The following AMPH variants were observed in gnomAD, a reference collection of about 807,000 sequenced individuals.
The protein encoded by AMPH is amphiphysin, also known as amphiphysin (Stiff-Mann syndrome with breast cancer 128kD autoantigen).
A neutral mutation model predicts 99.1 loss-of-function variants in AMPH; 49 were observed. The ratio of observed to expected loss-of-function variants is 0.49; its 90% CI spans 0.39 to 0.63. The LOEUF (loss-of-function observed/expected upper bound fraction) is 0.63, where lower values mean the gene tolerates loss of function less well. AMPH is among the 20% of genes least tolerant of loss of function. AMPH has a pLI of 0.00. For synonymous variants in AMPH, 314 were observed against 317.3 expected (o/e 0.99, Z 0.11); for missense variants, 759 against 863.4 (o/e 0.88, Z 1.52).
chr7:38,620,138 T>C (rs1291326679), intron 1 of AMPH, among the ~76,000 whole-genome samples: 8 of 152,124 alleles, frequency 5.3e-5, no homozygotes, highest in Admixed American at 3.9e-4. Context: ...CCTTCCAAGC[T>C]GCAAATCACC....
At chr7:38,408,738 G>A (rs1307721501) in intron 17 of AMPH, among the ~76,000 whole-genome samples, 1 of 123,958 alleles carries the variant, frequency 8.1e-6, no homozygotes, top group African/African-American at 3.2e-5. Flanking sequence ...GTGACAGAGC[G>A]AGACTCCATC....
chr7:38,540,572 T>C (rs1790768246), intron 1 of AMPH, among the ~76,000 whole-genome samples: 1 of 151,314 alleles, frequency 6.6e-6, no homozygotes, highest in African/African-American at 2.4e-5. Flanking sequence ...TTCAAAAAAG[T>C]GGTTGGCATT....
chr7:38,385,323 A>G (rs919281351), intron 20 of AMPH, among the ~76,000 whole-genome samples: 6 of 152,156 alleles, frequency 3.9e-5, no homozygotes, highest in African/African-American at 1.4e-4. Context: ...CAAGAGCATG[A>G]CCTGTTCTGG....
rs775135384 is a variant in AMPH at position 38,389,859 on chromosome 7, G to A, written c.1925C>T (p.Thr642Ile). The part of the protein sequence containing the change: ...DFEAANSDEL[T>I]LQRGDVVLVV... ...CAGCACCACATCACCCCTTTGTAAG[G>A]TAAGTTCATCAGAATTTGCTGCCTC... Residue 642 changes from threonine to isoleucine, a missense_variant, in exon 20 of 21, where the codon ACC becomes ATC. Physicochemically the swap from Thr to Ile is moderately conservative, Grantham distance 89 (BLOSUM62 -1). This residue lies in a region of AMPH where 554 missense variants were observed against 575.6 expected (regional missense o/e 0.96). Transcript: ENST00000356264. 3.7e-6 allele frequency: 6 copies of A among 1,613,920 alleles called. No individual in the cohort carries two copies. Among genetic ancestry groups the A allele is most frequent in the South Asian group, 1.1e-5 (1 of 91,070 alleles).
At chr7:38,491,656 T>C (rs1788722219) in intron 4 of AMPH, among the ~76,000 whole-genome samples, 1 of 152,264 alleles carries the variant, frequency 6.6e-6, no homozygotes, top group African/African-American at 2.4e-5. Flanking sequence ...GTATTACTAT[T>C]ATTACAACTA....
chr7:38,435,987 C>T (rs1475929611), intron 12 of AMPH, among the ~76,000 whole-genome samples: 2 of 152,186 alleles, frequency 1.3e-5, no homozygotes, highest in African/African-American at 2.4e-5. Flanking sequence ...TAAACCTGAA[C>T]AGTTCTGAGT....
At chr7:38,388,412 A>C (rs561355946) in intron 20 of AMPH, among the ~76,000 whole-genome samples, 1 of 152,164 alleles carries the variant, frequency 6.6e-6, no homozygotes, top group East Asian at 1.9e-4. Flanking sequence ...TCAAAAACCT[A>C]CTTTCGGCTT....
intron 20 of AMPH, among the ~76,000 whole-genome samples, chr7:38,387,058 G>T (rs1032217572): frequency 4.6e-5 from 7 of 152,178 alleles, no homozygotes; most frequent in Non-Finnish European, 7.3e-5. Flanking sequence ...AGCTGTGCAT[G>T]CATAAAGGGT....
chr7:38,428,858 A>C, intron 14 of AMPH: 1 of 554,486 alleles, frequency 1.8e-6, no homozygotes, highest in South Asian at 1.5e-5. Flanking sequence ...AATAATTTTC[A>C]TTGGCGTTTG....
chr7:38,470,209 A>G (rs1357531341), intron 7 of AMPH, among the ~76,000 whole-genome samples: 1 of 152,166 alleles, frequency 6.6e-6, no homozygotes, highest in Non-Finnish European at 1.5e-5. Context: ...TCAAAATGAC[A>G]AAAGTTATTT....
Position 38,485,490 on chromosome 7 carries a change from C to T in AMPH, c.396+5560G>A, listed in dbSNP as rs76079182. Among the ~76,000 whole-genome samples the T allele has an allele frequency of 0.011, 1,729 of 151,862 alleles. 75 individuals carry two copies. The East Asian group carries it at 0.16, about 14-fold the overall frequency. ...ATGACAAACTGAAGAAAGAAACAGA[C>T]GGCAATATAATAATAATACAAAACC... On this transcript the variant is annotated intron_variant, in intron 5 of 20. Transcript: ENST00000356264.
At chr7:38,505,671 G>A (rs1277123249) in intron 2 of AMPH, among the ~76,000 whole-genome samples, 1 of 152,098 alleles carries the variant, frequency 6.6e-6, no homozygotes, top group Non-Finnish European at 1.5e-5. Context: ...GAGAGGAAGA[G>A]GAGAATAAAG....
intron 1 of AMPH, among the ~76,000 whole-genome samples, chr7:38,592,312 T>C (rs1792886129): frequency 6.6e-6 from 1 of 152,222 alleles, no homozygotes; most frequent in Non-Finnish European, 1.5e-5. Flanking sequence ...GGCCAGTTTA[T>C]GGCCAGATTT....
intron 3 of AMPH, among the ~76,000 whole-genome samples, chr7:38,501,704 C>A (rs1217790387): frequency 6.6e-6 from 1 of 151,668 alleles, no homozygotes; most frequent in Non-Finnish European, 1.5e-5. Flanking sequence ...CAGTTCTATA[C>A]ATCCACATTA....
chr7:38,407,985 C>G (rs1243365929), intron 17 of AMPH, among the ~76,000 whole-genome samples: 1 of 152,222 alleles, frequency 6.6e-6, no homozygotes, highest in Non-Finnish European at 1.5e-5. Context: ...GACTGTATCT[C>G]AGGTGGTTTA....
intron 2 of AMPH, among the ~76,000 whole-genome samples, chr7:38,530,044 A>G (rs1184989796): frequency 6.6e-6 from 1 of 152,212 alleles, no homozygotes; most frequent in African/African-American, 2.4e-5. Flanking sequence ...AATACATACC[A>G]TATACAACAT....
intron 5 of AMPH, 133 bp downstream of exon 5, chr7:38,490,917 C>T (rs111878989): frequency 6.7e-6 from 4 of 596,260 alleles, no homozygotes; most frequent in South Asian, 2.6e-5. Flanking sequence ...AAATCCCACG[C>T]TTAAATAAAT....
At chr7:38,457,648 G>T (rs1188875396) in intron 11 of AMPH, among the ~76,000 whole-genome samples, 1 of 152,172 alleles carries the variant, frequency 6.6e-6, no homozygotes, top group East Asian at 1.9e-4. Flanking sequence ...GAAGTATTAG[G>T]TTGAAAACAT....
intron 17 of AMPH, among the ~76,000 whole-genome samples, chr7:38,395,504 C>A (rs1784642931): frequency 6.6e-6 from 1 of 152,152 alleles, no homozygotes; most frequent in Non-Finnish European, 1.5e-5. Context: ...TAGTTTTGAA[C>A]AAATGGGTTG....
Sources: gnomAD v4.1 joint callset for allele counts (sites outside exome capture counted in the v4.1 genomes callset) on GRCh38, gnomAD v4.1.1 for gene constraint, gnomAD v4.1.1 regional missense constraint, MANE v1.5 for transcripts, NCBI Gene and HGNC (gene_info 2026-07-23, HGNC 2026-07-21) for gene names.